GRIN2A: variants seen among roughly 807,000 people sequenced by gnomAD.
GRIN2A encodes the protein glutamate receptor ionotropic, NMDA 2A.
A neutral mutation model predicts 113.4 loss-of-function variants in GRIN2A; 22 were observed. The observed-to-expected ratio is 0.19, with a 90% CI of 0.14 to 0.28. The LOEUF is 0.28. Among genes scored for constraint, GRIN2A ranks in the 10% least tolerant of loss-of-function variants. The probability of loss-of-function intolerance (pLI) is 1.00; values close to 1 mark genes in which losing one functional copy is unlikely to be tolerated. For synonymous variants in GRIN2A, 827 were observed against 738.4 expected (o/e 1.12, Z -1.94); for missense variants, 1,502 against 1,887.0 (o/e 0.80, Z 3.78).
At chr16:9,957,263 C>A (rs1210050899) in intron 2 of GRIN2A, among the ~76,000 whole-genome samples, 1 of 152,122 alleles carries the variant, frequency 6.6e-6, no homozygotes, top group Non-Finnish European at 1.5e-5. Flanking sequence ...TAATTTTACT[C>A]AGGGAAGATT....
At chr16:9,775,452 A>G (rs1038103315) in intron 11 of GRIN2A, among the ~76,000 whole-genome samples, 3 of 152,220 alleles carry the variant, frequency 2.0e-5, no homozygotes, top group Non-Finnish European at 2.9e-5. Context: ...ATTTTCATAT[A>G]GAGATGAATT....
At chr16:9,914,906 T>G (rs993773456) in intron 3 of GRIN2A, among the ~76,000 whole-genome samples, 11 of 12,724 alleles carry the variant, frequency 8.6e-4, no homozygotes, top group African/African-American at 3.3e-3. Flanking sequence ...ATTATGCAGC[T>G]TTTTTTTTTT....
chr16:9,975,873 T>C (rs1156984262), intron 2 of GRIN2A, among the ~76,000 whole-genome samples: 2 of 152,206 alleles, frequency 1.3e-5, no homozygotes, highest in Admixed American at 6.5e-5. Flanking sequence ...ACCATCTTTA[T>C]TAGCATCAGA....
At chr16:9,858,657 A>G (rs2043009760) in intron 4 of GRIN2A, among the ~76,000 whole-genome samples, 1 of 152,232 alleles carries the variant, frequency 6.6e-6, no homozygotes, top group African/African-American at 2.4e-5. Flanking sequence ...ATTTAAATAC[A>G]GTGCTTTTAG....
chr16:9,763,772 C>T lies in GRIN2A; in HGVS notation c.3772G>A (p.Gly1258Ser), dbSNP rs1159089801. 1 of 1,614,112 alleles carries T rather than the reference C, an allele frequency of 6.2e-7. No homozygotes were observed. The highest frequency in any genetic ancestry group is 8.5e-7 in the Non-Finnish European group (1 of 1,180,028). The change falls in exon 13 of 13, where the codon GGT becomes AGT. Residue 1258 changes from glycine to serine, a missense_variant. This residue lies in a region of GRIN2A where 832 missense variants were observed against 789.7 expected (regional missense o/e 1.05). Transcript: ENST00000330684. ...IDEDQMLQETGNPATGEQVYQ... is the reference protein window; with the variant it reads ...IDEDQMLQETSNPATGEQVYQ... The stretch of plus-strand genomic sequence containing the variant: ...ACCTGCTCCCCGGTGGCTGGGTTAC[C>T]TGTCTCCTGAAGCATCTGGTCTTCA...
At chr16:9,776,025 TC>T (rs1394080560) in intron 11 of GRIN2A, among the ~76,000 whole-genome samples, 1 of 152,220 alleles carries the variant, frequency 6.6e-6, no homozygotes, top group Non-Finnish European at 1.5e-5. Flanking sequence ...GCTTTCCTGT[TC>T]CGAGGTTATG....
chr16:9,817,314 G>T (rs997542627), intron 10 of GRIN2A, among the ~76,000 whole-genome samples: 6 of 152,136 alleles, frequency 3.9e-5, no homozygotes. Flanking sequence ...CGTGCTGCGG[G>T]GAATGATGCT....
At chr16:9,994,742 T>G (rs372383933) in intron 2 of GRIN2A, among the ~76,000 whole-genome samples, 2 of 152,312 alleles carry the variant, frequency 1.3e-5, no homozygotes, top group East Asian at 1.9e-4. Context: ...CACCACAGCA[T>G]GGAAAAACGT....
intron 2 of GRIN2A, among the ~76,000 whole-genome samples, chr16:9,941,686 C>G (rs770588639): frequency 6.6e-6 from 1 of 152,184 alleles, no homozygotes; most frequent in African/African-American, 2.4e-5. Context: ...AAAAAAAACA[C>G]TCAGCCTTTC....
intron 10 of GRIN2A, among the ~76,000 whole-genome samples, chr16:9,817,701 G>A (rs1484006998): frequency 1.3e-5 from 2 of 152,236 alleles, no homozygotes; most frequent in Admixed American, 6.5e-5. Context: ...AGCTGGGACT[G>A]TCACTTGACA....
chr16:9,783,243 T>C (rs1188487853), intron 11 of GRIN2A, among the ~76,000 whole-genome samples: 1 of 152,246 alleles, frequency 6.6e-6, no homozygotes, highest in African/African-American at 2.4e-5. Context: ...TTAGCTGCAC[T>C]TTCCCCGTGG....
intron 2 of GRIN2A, among the ~76,000 whole-genome samples, chr16:10,096,963 G>A (rs1385443790): frequency 1.3e-5 from 2 of 152,164 alleles, no homozygotes; most frequent in Non-Finnish European, 2.9e-5. Flanking sequence ...TATAGCACGG[G>A]TGTTAGCTGT....
At chr16:10,041,773 T>G (rs2047170573) in intron 2 of GRIN2A, among the ~76,000 whole-genome samples, 1 of 152,156 alleles carries the variant, frequency 6.6e-6, no homozygotes, top group African/African-American at 2.4e-5. Flanking sequence ...CATCCTTGAG[T>G]GTATAAATCC....
At chr16:9,820,752 G>A (rs1392908075) in intron 10 of GRIN2A, among the ~76,000 whole-genome samples, 6 of 152,162 alleles carry the variant, frequency 3.9e-5, no homozygotes, top group Non-Finnish European at 8.8e-5. Context: ...AGAGGGTGTG[G>A]GGCGGGGTTC....
chr16:10,018,808 G>A (rs1377636055), intron 2 of GRIN2A, among the ~76,000 whole-genome samples: 1 of 152,134 alleles, frequency 6.6e-6, no homozygotes, highest in Non-Finnish European at 1.5e-5. Flanking sequence ...CTAGGTCCCA[G>A]AATCTCTGAG....
In GRIN2A at chr16:9,938,645, C is replaced by T. The variant is rs78636937; in HGVS notation, c.415-94G>A. ...TCCTAGAAGTAAGGAAAGTAAATCA[C>T]ACATCAATCATTTGCAGACATTCCT... is the stretch of plus-strand genomic sequence containing the variant. On this transcript the variant is annotated intron_variant, in intron 2 of 12. Transcript: ENST00000330684. 2.8e-3 allele frequency: 2,295 copies of T among 830,066 alleles called. 39 individuals carry two copies. The East Asian group carries it at 0.028, about 10-fold the overall frequency. 51.4% of individuals were successfully genotyped at this position (830,066 alleles called of 1,614,324 possible).
At chr16:10,015,965 A>G (rs1319617022) in intron 2 of GRIN2A, among the ~76,000 whole-genome samples, 1 of 151,906 alleles carries the variant, frequency 6.6e-6, no homozygotes, top group Non-Finnish European at 1.5e-5. Flanking sequence ...AAAATACAAA[A>G]ATTGGTTGGG....
At chr16:10,002,780 T>C (rs2046342877) in intron 2 of GRIN2A, among the ~76,000 whole-genome samples, 1 of 152,256 alleles carries the variant, frequency 6.6e-6, no homozygotes, top group African/African-American at 2.4e-5. Flanking sequence ...CAGGATTTTG[T>C]GTTAAAATCT....
intron 11 of GRIN2A, among the ~76,000 whole-genome samples, chr16:9,778,610 C>G (rs1043038768): frequency 6.6e-6 from 1 of 152,234 alleles, no homozygotes; most frequent in Non-Finnish European, 1.5e-5. Context: ...TCCAGTACTA[C>G]AGCAGCTAAC....
Sources: allele counts gnomAD v4.1 joint callset (sites outside exome capture counted in the v4.1 genomes callset), GRCh38; gene constraint gnomAD v4.1.1; regional missense constraint gnomAD v4.1.1; transcripts MANE v1.5; gene names NCBI Gene and HGNC (gene_info 2026-07-23, HGNC 2026-07-21).